Variants in PIEZO2 observed in about 807,000 individuals in gnomAD.
PIEZO2 encodes the protein piezo-type mechanosensitive ion channel component 2.
In PIEZO2, 172 loss-of-function variants were observed where a neutral mutation model predicts 337.3. The ratio of observed to expected loss-of-function variants is 0.51; its 90% CI spans 0.45 to 0.58. PIEZO2 has a LOEUF of 0.58. Ranked by LOEUF, PIEZO2 falls within the 20% of genes least tolerant of loss-of-function variation. The probability of loss-of-function intolerance (pLI) is 0.00; values close to 1 mark genes in which losing one functional copy is unlikely to be tolerated. For synonymous variants in PIEZO2, 1,251 were observed against 1,228.5 expected (o/e 1.02, Z -0.38); for missense variants, 3,028 against 3,391.3 (o/e 0.89, Z 2.66).
intron 3 of PIEZO2, among the ~76,000 whole-genome samples, chr18:10,970,812 G>A (rs938635359): frequency 6.6e-6 from 1 of 152,086 alleles, no homozygotes; most frequent in Non-Finnish European, 1.5e-5. Context: ...ATTACGGGAT[G>A]AGATAAAGGT....
chr18:10,819,675 G>A lies in PIEZO2; in HGVS notation c.918-12401C>T, dbSNP rs1568096938. Among the ~76,000 whole-genome samples the A allele has an allele frequency of 6.6e-6, 1 of 152,110 alleles. No homozygotes were observed. The highest frequency in any genetic ancestry group is 1.5e-5 in the Non-Finnish European group (1 of 68,008). On this transcript the variant is annotated intron_variant, in intron 7 of 55. Coordinates refer to ENST00000674853, the MANE Select transcript of PIEZO2 (RefSeq NM_001378183.1). The surrounding 1 kb of genome is among the most constrained non-coding windows in gnomAD (Gnocchi z 4.3). ...TCACCTTCATGCTTGTTCTCTCACG[G>A]TCGCAAGAAACTGCTGCAGCTTCTT...
chr18:11,053,644 C>T (rs1244947314), intron 2 of PIEZO2, among the ~76,000 whole-genome samples: 3 of 152,146 alleles, frequency 2.0e-5, no homozygotes, highest in Non-Finnish European at 4.4e-5. Flanking sequence ...TGTTTCAATC[C>T]AAATAAAATA....
intron 33 of PIEZO2, among the ~76,000 whole-genome samples, chr18:10,737,292 A>AAAACAAAAAG (rs1568002035): frequency 1.3e-5 from 2 of 148,926 alleles, no homozygotes; most frequent in African/African-American, 5.2e-5. Flanking sequence ...TTTGAAAAAA[A>AAAACAAAAAG]AAAAACAAAA....
At chr18:10,915,507 T>A (rs2145098972) in intron 3 of PIEZO2, among the ~76,000 whole-genome samples, 1 of 152,290 alleles carries the variant, frequency 6.6e-6, no homozygotes, top group East Asian at 1.9e-4. Flanking sequence ...AGTTTAACAA[T>A]TTCTAGCCAT....
chr18:10,685,813 G>A (rs919130948), intron 49 of PIEZO2, among the ~76,000 whole-genome samples: 1 of 152,172 alleles, frequency 6.6e-6, no homozygotes, highest in Non-Finnish European at 1.5e-5. Context: ...AAAGGGCCTT[G>A]TCTTCCCATG....
intron 49 of PIEZO2, among the ~76,000 whole-genome samples, chr18:10,684,678 C>T (rs2034467376): frequency 6.6e-6 from 1 of 151,312 alleles, no homozygotes; most frequent in South Asian, 2.1e-4. Flanking sequence ...GTTGGCCAAG[C>T]TGGTCTTGAA....
At chr18:10,711,580 C>T (rs763207861) in intron 39 of PIEZO2, among the ~76,000 whole-genome samples, 1 of 151,354 alleles carries the variant, frequency 6.6e-6, no homozygotes, top group Non-Finnish European at 1.5e-5. Context: ...CTATTCATTA[C>T]CCATTTCGCT....
chr18:10,731,576 G>T, intron 35 of PIEZO2, 55 bp from the exon 36 acceptor site: 2 of 1,127,472 alleles, frequency 1.8e-6, no homozygotes, highest in South Asian at 3.5e-5. Context: ...GAAATAAAAG[G>T]GACCTACACC....
intron 2 of PIEZO2, among the ~76,000 whole-genome samples, chr18:10,996,991 A>G (rs1304477058): frequency 1.3e-5 from 2 of 152,126 alleles, no homozygotes; most frequent in Non-Finnish European, 2.9e-5. Flanking sequence ...ATTATCATCT[A>G]ATTTGTTATA....
In PIEZO2 at chr18:11,143,924, T is replaced by A. The variant is rs1006217202; in HGVS notation, c.64+4601A>T. Among the ~76,000 whole-genome samples, 2 of 152,204 alleles carry A rather than the reference T, an allele frequency of 1.3e-5. No individual in the cohort carries two copies. The highest frequency in any genetic ancestry group is 2.9e-5 in the Non-Finnish European group (2 of 68,040). On this transcript the variant is annotated intron_variant, in intron 1 of 55. Coordinates refer to ENST00000674853, the MANE Select transcript of PIEZO2 (RefSeq NM_001378183.1). The surrounding 1 kb of genome is among the most constrained non-coding windows in gnomAD (Gnocchi z 4.9). Reference sequence around the variant, plus strand: ...CACAACCATGCATGTAATTCTTGAGTGTTAAAAGCGAAACAAAACCATAAT... The same window carrying A: ...CACAACCATGCATGTAATTCTTGAGAGTTAAAAGCGAAACAAAACCATAAT...
intron 7 of PIEZO2, among the ~76,000 whole-genome samples, chr18:10,835,213 T>A (rs1277536606): frequency 6.6e-6 from 1 of 152,024 alleles, no homozygotes; most frequent in Non-Finnish European, 1.5e-5. Context: ...CTACAGTATA[T>A]TATTATAACA....
intron 7 of PIEZO2, among the ~76,000 whole-genome samples, chr18:10,820,325 T>C (rs2144452105): frequency 6.6e-6 from 1 of 152,034 alleles, no homozygotes; most frequent in East Asian, 1.9e-4. Flanking sequence ...GTCCTATAGC[T>C]TATGTGGTTC....
Position 11,119,674 on chromosome 18 carries a change from T to C in PIEZO2, c.64+28851A>G, listed in dbSNP as rs540358291. ...TGGTTCCAGAGTATAAATACAGCACTTGAACCACCTCCATGAAGCTGAGTG... is the reference window on the plus strand; with the variant it reads ...TGGTTCCAGAGTATAAATACAGCACCTGAACCACCTCCATGAAGCTGAGTG... On this transcript the variant is annotated intron_variant, in intron 1 of 55. Transcript: ENST00000674853. Among the ~76,000 whole-genome samples, 3 of 152,266 alleles carry C rather than the reference T, an allele frequency of 2.0e-5. No homozygotes were observed. In the East Asian group the frequency reaches 5.8e-4, roughly 29 times the overall value.
chr18:10,728,934 G>A (rs1437644933), intron 36 of PIEZO2, among the ~76,000 whole-genome samples: 99 of 129,500 alleles, frequency 7.6e-4, no homozygotes, highest in African/African-American at 2.9e-3. Flanking sequence ...CAGCCTGGGC[G>A]ACAGAGCAAG....
At position 11,127,173 on chromosome 18, in the gene PIEZO2, G is replaced by GACC. The variant is rs1409014473; in HGVS notation, c.64+21349_64+21351dup. ...ACAGAAGTGTGTTGTGACGGTGAGT[G>GACC]ACCAGGATCAGGTGTTTGAGGGGTG... On this transcript the variant is annotated intron_variant, in intron 1 of 55. Transcript: ENST00000674853. This position sits in a 1 kb window ranked among gnomAD's most constrained non-coding sequence, Gnocchi z 4.5. Among the ~76,000 whole-genome samples the GACC allele has an allele frequency of 1.3e-5, 2 of 152,208 alleles. No homozygotes were observed. The highest frequency in any genetic ancestry group is 4.8e-5 in the African/African-American group (2 of 41,444).
At chr18:11,036,313 A>T (rs1598862602) in intron 2 of PIEZO2, among the ~76,000 whole-genome samples, 1 of 152,122 alleles carries the variant, frequency 6.6e-6, no homozygotes, top group East Asian at 1.9e-4. Flanking sequence ...TAACGTTAAG[A>T]ATTGCTACAC....
intron 43 of PIEZO2, 68 bp from the exon 44 acceptor site, chr18:10,699,245 C>T (rs2035232248): frequency 6.6e-7 from 1 of 1,517,202 alleles, no homozygotes; most frequent in Non-Finnish European, 8.8e-7. Context: ...TTCTGTCTTA[C>T]AAAATCTCAT....
chr18:10,903,336 T>TGG lies in PIEZO2; in HGVS notation c.329+7848_329+7849dup, dbSNP rs2043095942. Reference sequence around the variant, plus strand: ...GAAGCACATCTAAGCTTACCTTCTCTGGGGTTTACACCCTTCAATGGCTCC... The same window carrying TGG: ...GAAGCACATCTAAGCTTACCTTCTCTGGGGGGTTTACACCCTTCAATGGCTCC... On this transcript the variant is annotated intron_variant, in intron 4 of 55. Coordinates refer to ENST00000674853, the MANE Select transcript of PIEZO2 (RefSeq NM_001378183.1). The surrounding 1 kb of genome is among the most constrained non-coding windows in gnomAD (Gnocchi z 4.1). Among the ~76,000 whole-genome samples the TGG allele has an allele frequency of 6.6e-6, 1 of 152,126 alleles. No individual in the cohort carries two copies. Among genetic ancestry groups the TGG allele is most frequent in the African/African-American group, 2.4e-5 (1 of 41,424 alleles).
chr18:10,918,230 A>C (rs1598685336), intron 3 of PIEZO2, among the ~76,000 whole-genome samples: 1 of 152,308 alleles, frequency 6.6e-6, no homozygotes, highest in East Asian at 1.9e-4. Context: ...GTTCATCATT[A>C]ATAGATTAAA....
Sources: gnomAD v4.1 joint callset for allele counts (sites outside exome capture counted in the v4.1 genomes callset) on GRCh38, gnomAD v4.1.1 for gene constraint, Gnocchi (gnomAD v3.1) non-coding constraint, MANE v1.5 for transcripts, NCBI Gene and HGNC (gene_info 2026-07-23, HGNC 2026-07-21) for gene names.